Variants in SLC6A3 observed in about 807,000 individuals in gnomAD.
SLC6A3 encodes sodium-dependent dopamine transporter.
Under a neutral mutation model 70.4 loss-of-function variants are expected in SLC6A3, and 19 were observed. The ratio of observed to expected loss-of-function variants is 0.27; its 90% CI spans 0.19 to 0.40. The LOEUF (loss-of-function observed/expected upper bound fraction) is 0.40, where lower values mean the gene tolerates loss of function less well. Ranked by LOEUF, SLC6A3 falls within the 10% of genes least tolerant of loss-of-function variation. The pLI, the probability that SLC6A3 is intolerant of heterozygous loss-of-function variation, is 1.00. For synonymous variants in SLC6A3, 368 were observed against 356.6 expected, an observed-to-expected ratio of 1.03 and a Z score of -0.36; for missense variants, 613 against 838.5, an observed-to-expected ratio of 0.73 and a Z score of 3.32.
At chr5:1,407,016 T>C (rs571258333) in intron 11 of SLC6A3, among the ~76,000 whole-genome samples, 2 of 152,322 alleles carry the variant, frequency 1.3e-5, no homozygotes, top group African/African-American at 4.8e-5. Flanking sequence ...GAGTATACCG[T>C]CACTGTGTCT....
At chr5:1,428,709 A>G (rs1756627531) in intron 4 of SLC6A3, among the ~76,000 whole-genome samples, 1 of 152,132 alleles carries the variant, frequency 6.6e-6, no homozygotes, top group African/African-American at 2.4e-5. Flanking sequence ...AACCCTGAGG[A>G]ACACTGGGTG....
intron 4 of SLC6A3, among the ~76,000 whole-genome samples, chr5:1,429,182 C>T (rs980392451): frequency 6.6e-5 from 10 of 152,198 alleles, no homozygotes; most frequent in South Asian, 4.1e-4. Context: ...GACCTGAGTA[C>T]GTTATGACTG....
At position 1,400,979 on chromosome 5, in the gene SLC6A3, G is replaced by A; in HGVS notation, c.1775C>T (p.Ala592Val). Residue 592 changes from alanine to valine, a missense_variant, in exon 14 of 15, where the codon GCC (alanine) becomes GTC (valine). Ala to Val is a moderately conservative substitution (Grantham distance 64). Transcript: ENST00000270349. Reference protein sequence around the residue: ...SLPGSFREKLAYAIAPEKDRE... With the variant: ...SLPGSFREKLVYAIAPEKDRE... ...GTCCTTCTCGGGTGCAATGGCGTAG[G>A]CCAGTTTCTGAAAGAGAAAGAGAGT... The A allele has an allele frequency of 6.3e-7, 1 of 1,594,980 alleles. No homozygotes were observed. The highest frequency in any genetic ancestry group is 8.6e-7 in the Non-Finnish European group (1 of 1,168,646).
chr5:1,443,095 T>G lies in SLC6A3; in HGVS notation c.103A>C (p.Lys35Gln), dbSNP rs767819131. Residue 35 changes from lysine to glutamine, a missense_variant, in exon 2 of 15, where the codon AAG becomes CAG. Lys to Gln is a moderately conservative substitution (Grantham distance 53). This residue lies in a region of SLC6A3 where 111 missense variants were observed against 91.6 expected (regional missense o/e 1.21). Coordinates refer to ENST00000270349, the MANE Select transcript of SLC6A3 (RefSeq NM_001044.5). The part of the protein sequence containing the change: ...GPKEVELILV[K>Q]EQNGVQLTSS... Reference sequence around the variant, plus strand: ...GTGAGCTGCACTCCGTTCTGCTCCTTGACAAGGATGAGCTCCACCTCCTTC... The same window carrying G: ...GTGAGCTGCACTCCGTTCTGCTCCTGGACAAGGATGAGCTCCACCTCCTTC... 1 of 1,614,206 alleles carries G rather than the reference T, an allele frequency of 6.2e-7. No individual in the cohort carries two copies. Among genetic ancestry groups the G allele is most frequent in the Admixed American group, 1.7e-5 (1 of 60,026 alleles).
chr5:1,416,208 A>G lies in SLC6A3; in HGVS notation c.928-7T>C, dbSNP rs1304174822. ...TGGCCGCGTCAATCCAAACCTGCAG[A>G]GCCAGAGGGCGGTGAGAGGCTGTCC... On this transcript the variant is annotated splice_polypyrimidine_tract_variant and splice_region_variant and intron_variant, in intron 6 of 14. Transcript: ENST00000270349. The G allele has an allele frequency of 6.8e-6, 11 of 1,610,488 alleles. No homozygotes were observed. The highest frequency in any genetic ancestry group is 8.5e-6 in the Non-Finnish European group (10 of 1,178,162).
chr5:1,420,315 T>G (rs536009965), intron 6 of SLC6A3, among the ~76,000 whole-genome samples: 44 of 152,332 alleles, frequency 2.9e-4, no homozygotes, highest in African/African-American at 1.1e-3. Context: ...GGAGGCTTTC[T>G]CCAAATATTT....
chr5:1,414,522 G>C (rs573751703), intron 8 of SLC6A3, among the ~76,000 whole-genome samples, 169 bp downstream of exon 8: 2 of 149,488 alleles, frequency 1.3e-5, no homozygotes, highest in South Asian at 4.3e-4. Context: ...GTGGGGGCAG[G>C]TCTGTACTGG....
intron 1 of SLC6A3, among the ~76,000 whole-genome samples, chr5:1,444,821 G>T (rs1733759629): frequency 1.3e-5 from 2 of 152,172 alleles, no homozygotes; most frequent in African/African-American, 2.4e-5. Flanking sequence ...TCCTCACCGC[G>T]CCCAGAACAA....
Position 1,396,002 on chromosome 5 carries a change from A to G in SLC6A3, c.1840-1244T>C, listed in dbSNP as rs938187209. Among the ~76,000 whole-genome samples, 47 of 152,234 alleles carry G rather than the reference A, an allele frequency of 3.1e-4. No homozygotes were observed. Among genetic ancestry groups the G allele is most frequent in the Non-Finnish European group, 2.8e-4 (19 of 68,032 alleles). ...GACCTCAATTTGACCCCAAAGGACC[A>G]GAGCTGTTGCAACAGATTACAGGAT... On this transcript the variant is annotated intron_variant, in intron 14 of 14. Transcript: ENST00000270349. This position sits in a 1 kb window ranked among gnomAD's most constrained non-coding sequence, Gnocchi z 7.0.
rs751334201 is a variant in SLC6A3 at position 1,394,704 on chromosome 5, T to C, written c.*31A>G. 1.9e-6 allele frequency: 3 copies of C among 1,611,428 alleles called. No individual in the cohort carries two copies. The highest frequency in any genetic ancestry group is 1.7e-6 in the Non-Finnish European group (2 of 1,177,518). ...TGTTCGTGTCTCTCCCATTGCAGGA[T>C]GACTTCCTGGGGTCTTCGTCTCTGC... On this transcript the variant is annotated 3_prime_UTR_variant, in exon 15 of 15. Transcript: ENST00000270349. The surrounding 1 kb of genome is among the most constrained non-coding windows in gnomAD (Gnocchi z 4.7).
At chr5:1,426,938 CA>C (rs745559953) in intron 4 of SLC6A3, among the ~76,000 whole-genome samples, 26 of 152,158 alleles carry the variant, frequency 1.7e-4, no homozygotes, top group Non-Finnish European at 3.5e-4. Flanking sequence ...GTGGTAAAAG[CA>C]ATGCTATGTA....
In SLC6A3 at chr5:1,437,167, C is replaced by T. The variant is rs1000420051; in HGVS notation, c.418+4192G>A. On this transcript the variant is annotated intron_variant, in intron 3 of 14. Transcript: ENST00000270349. The surrounding 1 kb of genome is among the most constrained non-coding windows in gnomAD (Gnocchi z 4.8). Reference sequence around the variant, plus strand: ...TCGGGAGGCTGGGGCAGGAGAATCGCTTGAACCCGGGACGCGCAGGTGACA... The same window carrying T: ...TCGGGAGGCTGGGGCAGGAGAATCGTTTGAACCCGGGACGCGCAGGTGACA... Among the ~76,000 whole-genome samples the T allele has an allele frequency of 6.6e-6, 1 of 151,598 alleles. No homozygotes were observed. Among genetic ancestry groups the T allele is most frequent in the Non-Finnish European group, 1.5e-5 (1 of 67,920 alleles).
rs1399814219 is a variant in SLC6A3, at chr5:1,438,149, T to C, written c.418+3210A>G. Among the ~76,000 whole-genome samples the C allele has an allele frequency of 6.6e-6, 1 of 152,258 alleles. No individual in the cohort carries two copies. The highest frequency in any genetic ancestry group is 1.9e-4 in the East Asian group (1 of 5,200). ...AGTCCAGCTTTCTTGCACTGATTCA[T>C]CTATCCCTTCGTGGGTCGAACAGTT... On this transcript the variant is annotated intron_variant, in intron 3 of 14. Coordinates refer to ENST00000270349, the MANE Select transcript of SLC6A3 (RefSeq NM_001044.5). The surrounding 1 kb of genome is among the most constrained non-coding windows in gnomAD (Gnocchi z 6.5).
intron 14 of SLC6A3, among the ~76,000 whole-genome samples, chr5:1,400,352 G>GC (rs751156414): frequency 2.6e-5 from 4 of 152,178 alleles, no homozygotes; most frequent in Non-Finnish European, 5.9e-5. Flanking sequence ...TTTACTGTGT[G>GC]CCCCCGGGAA....
At position 1,408,660 on chromosome 5, in the gene SLC6A3, C is replaced by T. The variant is rs574209358; in HGVS notation, c.1498+366G>A. The stretch of plus-strand genomic sequence containing the variant: ...CTGGAGCTCTGGTCAGCAGGGAAGG[C>T]GATGACGGCACCTTTGAAAGGCACC... On this transcript the variant is annotated intron_variant, in intron 11 of 14. Transcript: ENST00000270349. This position sits in a 1 kb window ranked among gnomAD's most constrained non-coding sequence, Gnocchi z 6.4. Among the ~76,000 whole-genome samples, 5 of 152,278 alleles carry T rather than the reference C, an allele frequency of 3.3e-5. No homozygotes were observed. Among genetic ancestry groups the T allele is most frequent in the Non-Finnish European group, 5.9e-5 (4 of 68,010 alleles).
chr5:1,432,848 T>C (rs983749300), intron 3 of SLC6A3, 150 bp from the exon 4 acceptor site: 1 of 665,662 alleles, frequency 1.5e-6, no homozygotes, highest in South Asian at 1.6e-5. Context: ...TCTTCAAACA[T>C]GCAGGGAAGG....
chr5:1,442,835 C>T lies in SLC6A3; in HGVS notation c.286+77G>A, dbSNP rs1733712806. On this transcript the variant is annotated intron_variant, in intron 2 of 14. Coordinates refer to ENST00000270349, the MANE Select transcript of SLC6A3 (RefSeq NM_001044.5). The surrounding 1 kb of genome is among the most constrained non-coding windows in gnomAD (Gnocchi z 5.0). Reference sequence around the variant, plus strand: ...CATGGGAACAGCTTCATCTCGTTTCCGTACGTGCCTTGGCCCCGGCTGCCC... The same window carrying T: ...CATGGGAACAGCTTCATCTCGTTTCTGTACGTGCCTTGGCCCCGGCTGCCC... 3.4e-6 allele frequency: 5 copies of T among 1,458,194 alleles called. No individual in the cohort carries two copies. Among genetic ancestry groups the T allele is most frequent in the Non-Finnish European group, 4.8e-6 (5 of 1,040,804 alleles). 90.3% of individuals were successfully genotyped at this position (1,458,194 alleles called of 1,614,324 possible).
chr5:1,408,885 T>C lies in SLC6A3; in HGVS notation c.1498+141A>G. ...ATCAAAGGGACCAGTGCCAAGCCTC[T>C]CCCCTCTGCGGAGCTGTGATGACCA... On this transcript the variant is annotated intron_variant, in intron 11 of 14. Transcript: ENST00000270349. This position sits in a 1 kb window ranked among gnomAD's most constrained non-coding sequence, Gnocchi z 6.4. 2.8e-6 allele frequency: 2 copies of C among 704,514 alleles called. No homozygotes were observed. Among genetic ancestry groups the C allele is most frequent in the Non-Finnish European group, 5.1e-6 (2 of 388,488 alleles). The allele number at this position is 704,514 out of a possible 1,614,324, so 43.6% of individuals were successfully genotyped here. A position where few individuals can be genotyped will look rare whatever the true frequency, so the allele number is the denominator to read the frequency against.
intron 11 of SLC6A3, among the ~76,000 whole-genome samples, chr5:1,407,819 A>G (rs1206164101): frequency 1.3e-5 from 2 of 152,222 alleles, no homozygotes; most frequent in African/African-American, 2.4e-5. Context: ...ACTGAAAACA[A>G]TGTTCTCAGA....
Sources: allele counts gnomAD v4.1 joint callset (sites outside exome capture counted in the v4.1 genomes callset), GRCh38; gene constraint gnomAD v4.1.1; regional missense constraint gnomAD v4.1.1; non-coding constraint Gnocchi (gnomAD v3.1); transcripts MANE v1.5; gene names NCBI Gene and HGNC (gene_info 2026-07-23, HGNC 2026-07-21).